Variants in CCDC15 observed in about 807,000 individuals in gnomAD.
CCDC15 encodes coiled-coil domain containing 15.
Under a neutral mutation model 114.5 loss-of-function variants are expected in CCDC15, and 105 were observed. The ratio of observed to expected loss-of-function variants is 0.92; its 90% CI spans 0.78 to 1.08. The LOEUF is 1.08. Among genes scored for constraint, CCDC15 ranks in the 50% least tolerant of loss-of-function variants. The pLI is 0.00. For missense variants in CCDC15, 1,105 were observed against 1,093.6 expected (o/e 1.01, Z -0.15); for synonymous variants, 334 against 377.8 (o/e 0.88, Z 1.34).
intron 13 of CCDC15, among the ~76,000 whole-genome samples, chr11:125,027,186 G>A (rs945089491): frequency 3.3e-5 from 5 of 152,072 alleles, no homozygotes; most frequent in African/African-American, 1.2e-4. Context: ...TGTGAATTGT[G>A]CTTCTGTAAA....
intron 13 of CCDC15, among the ~76,000 whole-genome samples, chr11:125,031,929 G>A (rs1319170952): frequency 1.3e-5 from 2 of 152,158 alleles, no homozygotes; most frequent in Non-Finnish European, 2.9e-5. Flanking sequence ...GGCCCACTAG[G>A]CATTGTGTCT....
chr11:124,986,145 T>C (rs188950711), intron 6 of CCDC15, among the ~76,000 whole-genome samples: 2 of 152,326 alleles, frequency 1.3e-5, no homozygotes, highest in East Asian at 3.9e-4. Context: ...CTTGGTACTC[T>C]TGTCAAAAAT....
intron 13 of CCDC15, among the ~76,000 whole-genome samples, chr11:125,035,358 G>C (rs930555112): frequency 6.6e-6 from 1 of 151,784 alleles, no homozygotes; most frequent in African/African-American, 2.4e-5. Flanking sequence ...TATAGTTTTT[G>C]TCTTGAAATC....
intron 11 of CCDC15, among the ~76,000 whole-genome samples, chr11:124,993,538 G>A (rs2135496127): frequency 6.6e-6 from 1 of 152,248 alleles, no homozygotes; most frequent in East Asian, 1.9e-4. Context: ...TATGTTCAGT[G>A]TTTATGTTGT....
intron 6 of CCDC15, among the ~76,000 whole-genome samples, chr11:124,979,824 G>C (rs1281805014): frequency 1.3e-5 from 2 of 152,154 alleles, no homozygotes; most frequent in African/African-American, 4.8e-5. Context: ...AATGATGAGA[G>C]AGGACATCTT....
chr11:125,039,009 T>C lies in CCDC15; in HGVS notation c.2674T>C (p.Phe892Leu). Residue 892 changes from phenylalanine to leucine, a missense_variant, in exon 15 of 16, where the codon TTT (phenylalanine) becomes CTT (leucine). Physicochemically the swap from Phe to Leu is conservative, Grantham distance 22 (BLOSUM62 0). Transcript: ENST00000344762. ...TCCACTATGCTGTTGTGGTCCTGAT[T>C]TTTGGGATGCTCATCCTGATACCTG... ...LPPLCCCGPDFWDAHPDTCAN... is the reference protein window; with the variant it reads ...LPPLCCCGPDLWDAHPDTCAN... The C allele has an allele frequency of 6.2e-7, 1 of 1,611,786 alleles. No homozygotes were observed. The highest frequency in any genetic ancestry group is 8.5e-7 in the Non-Finnish European group (1 of 1,178,498).
At chr11:125,014,406 G>A (rs1367828635) in intron 13 of CCDC15, among the ~76,000 whole-genome samples, 1 of 151,996 alleles carries the variant, frequency 6.6e-6, no homozygotes, top group Non-Finnish European at 1.5e-5. Flanking sequence ...ATGTCCAAAA[G>A]CCAAGAGAAA....
At chr11:124,974,053 C>T (rs1947930257) in intron 4 of CCDC15, among the ~76,000 whole-genome samples, 1 of 152,186 alleles carries the variant, frequency 6.6e-6, no homozygotes, top group African/African-American at 2.4e-5. Context: ...CGTCTCACTG[C>T]AGCCTCTGCC....
At chr11:124,997,235 T>C (rs775683395) in intron 11 of CCDC15, among the ~76,000 whole-genome samples, 2 of 152,084 alleles carry the variant, frequency 1.3e-5, no homozygotes, top group Non-Finnish European at 2.9e-5. Context: ...AAATGGGTAA[T>C]GGATAGAGGT....
At chr11:124,988,213 A>C (rs951878127) in intron 8 of CCDC15, 79 bp downstream of exon 8, 10 of 1,414,884 alleles carry the variant, frequency 7.1e-6, no homozygotes, top group East Asian at 6.9e-5. Context: ...AAGGACTGCA[A>C]GTATACCTTG....
chr11:124,964,352 C>T (rs1368815601), intron 4 of CCDC15, among the ~76,000 whole-genome samples: 2 of 152,086 alleles, frequency 1.3e-5, no homozygotes, highest in African/African-American at 4.8e-5. Flanking sequence ...TGAAGAGGTC[C>T]TTCACATCCC....
intron 4 of CCDC15, among the ~76,000 whole-genome samples, chr11:124,973,724 G>A (rs1282143467): frequency 6.6e-6 from 1 of 151,910 alleles, no homozygotes; most frequent in Non-Finnish European, 1.5e-5. Flanking sequence ...CCAGGCTCAA[G>A]CAATCCTTCC....
At chr11:124,993,847 C>T (rs1948313141) in intron 11 of CCDC15, among the ~76,000 whole-genome samples, 1 of 152,176 alleles carries the variant, frequency 6.6e-6, no homozygotes, top group Non-Finnish European at 1.5e-5. Flanking sequence ...ATTCATTGAA[C>T]ACTTACCACA....
intron 4 of CCDC15, among the ~76,000 whole-genome samples, chr11:124,969,937 G>T (rs1384090652): frequency 5.9e-5 from 9 of 152,154 alleles, no homozygotes; most frequent in Non-Finnish European, 1.2e-4. Flanking sequence ...TATTTAATCA[G>T]TAGCTTGATT....
At chr11:124,976,738 G>A (rs1387009565) in intron 5 of CCDC15, among the ~76,000 whole-genome samples, 1 of 152,090 alleles carries the variant, frequency 6.6e-6, no homozygotes, top group African/African-American at 2.4e-5. Flanking sequence ...AGTTCTGATT[G>A]AAATAATTAT....
intron 11 of CCDC15, among the ~76,000 whole-genome samples, chr11:124,999,524 A>G (rs1948435654): frequency 6.6e-6 from 1 of 151,538 alleles, no homozygotes; most frequent in South Asian, 2.1e-4. Context: ...AATAGATTCA[A>G]GTTCACTGAC....
At chr11:124,998,762 G>C (rs190339503) in intron 11 of CCDC15, among the ~76,000 whole-genome samples, 26 of 138,486 alleles carry the variant, frequency 1.9e-4, no homozygotes, top group Admixed American at 3.0e-4. Context: ...TTTGGAGACA[G>C]AGTCTCACTC....
intron 15 of CCDC15, 134 bp from the exon 16 acceptor site, chr11:125,040,456 T>A (rs1347843418): frequency 2.6e-6 from 2 of 757,498 alleles, no homozygotes; most frequent in Non-Finnish European, 4.1e-6. Context: ...ATATAGTAAG[T>A]ACTGAATAAA....
At chr11:124,985,786 T>G (rs1490706316) in intron 6 of CCDC15, among the ~76,000 whole-genome samples, 1 of 151,616 alleles carries the variant, frequency 6.6e-6, no homozygotes, top group Non-Finnish European at 1.5e-5. Context: ...ATCAGATAGT[T>G]GATTTGCAAG....
Sources: allele counts gnomAD v4.1 joint callset (sites outside exome capture counted in the v4.1 genomes callset), GRCh38; gene constraint gnomAD v4.1.1; transcripts MANE v1.5; gene names NCBI Gene and HGNC (gene_info 2026-07-23, HGNC 2026-07-21).